Variants in PLEKHA7 observed in about 807,000 individuals in gnomAD.
The protein encoded by PLEKHA7 is pleckstrin homology domain containing A7, also known as pleckstrin homology domain-containing family A member 7.
A neutral mutation model predicts 170.0 loss-of-function variants in PLEKHA7; 104 were observed. The ratio of observed to expected loss-of-function variants is 0.61; its 90% CI spans 0.52 to 0.72. The LOEUF is 0.72. PLEKHA7 is among the 30% of genes least tolerant of loss of function. The pLI is 0.00. For missense variants in PLEKHA7, 1,615 were observed against 1,671.7 expected (o/e 0.97, Z 0.59); for synonymous variants, 648 against 660.8 (o/e 0.98, Z 0.30).
chr11:16,852,147 G>T (rs1853023580), intron 7 of PLEKHA7, 136 bp downstream of exon 7: 1 of 712,250 alleles, frequency 1.4e-6, no homozygotes, highest in Non-Finnish European at 2.3e-6. Flanking sequence ...CTTAGTAGCA[G>T]GCAAACTGGA....
rs555057046 is a variant in PLEKHA7, at chr11:16,817,449, A to T, written c.1344-127T>A. 178 of 931,512 alleles carry T rather than the reference A, an allele frequency of 1.9e-4. 1 individual carries two copies. The African/African-American group carries it at 2.2e-3, about 12-fold the overall frequency. The allele number at this position is 931,512 out of a possible 1,614,324, so 57.7% of individuals were successfully genotyped here. The stretch of plus-strand genomic sequence containing the variant: ...GTCCTGTAAGAACCTCAAAAGAATG[A>T]TCAAGGCCGACATCCAGGACTTCAG... On this transcript the variant is annotated intron_variant, in intron 10 of 26. Transcript: ENST00000531066. The surrounding 1 kb of genome is among the most constrained non-coding windows in gnomAD (Gnocchi z 4.4).
At chr11:16,814,451 T>C (rs1050398234) in intron 12 of PLEKHA7, among the ~76,000 whole-genome samples, 1 of 152,186 alleles carries the variant, frequency 6.6e-6, no homozygotes, top group Non-Finnish European at 1.5e-5. Context: ...GCTGAACCTA[T>C]TTTTGCCTGA....
chr11:16,843,548 G>A lies in PLEKHA7; in HGVS notation c.697-1826C>T, dbSNP rs186251985. ...GCAGCCAAGGATCCCTATAGTGGCTGAAGCAAACCTGATATCCTTCCTTTG... is the reference window on the plus strand; with the variant it reads ...GCAGCCAAGGATCCCTATAGTGGCTAAAGCAAACCTGATATCCTTCCTTTG... On this transcript the variant is annotated intron_variant, in intron 8 of 26. Transcript: ENST00000531066. Among the ~76,000 whole-genome samples the A allele has an allele frequency of 8.4e-4, 128 of 152,366 alleles. 1 individual carries two copies. The highest frequency in any genetic ancestry group is 2.9e-3 in the African/African-American group (121 of 41,588).
intron 4 of PLEKHA7, among the ~76,000 whole-genome samples, chr11:16,868,603 A>G (rs1317985400): frequency 6.6e-6 from 1 of 152,212 alleles, no homozygotes; most frequent in Non-Finnish European, 1.5e-5. Context: ...TATTTAATGT[A>G]TAAGTGCAGG....
chr11:16,972,557 C>T (rs372768307), intron 3 of PLEKHA7, among the ~76,000 whole-genome samples: 14 of 152,216 alleles, frequency 9.2e-5, no homozygotes, highest in African/African-American at 3.1e-4. Flanking sequence ...ACTGCTGGTG[C>T]GCACCACCAT....
rs567103619 is a variant in PLEKHA7, at chr11:16,778,850, G to A, written c.*148C>T. 1 of 672,298 alleles carries A rather than the reference G, an allele frequency of 1.5e-6. No homozygotes were observed. The highest frequency in any genetic ancestry group is 1.8e-5 in the African/African-American group (1 of 56,878). 41.6% of individuals were successfully genotyped at this position (672,298 alleles called of 1,614,324 possible). ...GGTGCATATTAGGGCCTGGCCTGTG[G>A]TGAACACCCGCAGTCGGTAAGCTGC... On this transcript the variant is annotated 3_prime_UTR_variant, in exon 27 of 27. Transcript: ENST00000531066.
In PLEKHA7 at chr11:16,816,311, C is replaced by A. The variant is rs1401948197; in HGVS notation, c.1867-47G>T. On this transcript the variant is annotated intron_variant, in intron 11 of 26. Transcript: ENST00000531066. Reference sequence around the variant, plus strand: ...GTCACACTGGAGCCCAAACCTCTGCCACTCACTCCCAGGGAAGCCGCCCCA... The same window carrying A: ...GTCACACTGGAGCCCAAACCTCTGCAACTCACTCCCAGGGAAGCCGCCCCA... 10 of 1,458,036 alleles carry A rather than the reference C, an allele frequency of 6.9e-6. No homozygotes were observed. In the African/African-American group the frequency reaches 8.4e-5, roughly 12 times the overall value. 90.3% of individuals were successfully genotyped at this position (1,458,036 alleles called of 1,614,324 possible).
chr11:16,834,179 T>G (rs1179792691), intron 9 of PLEKHA7, among the ~76,000 whole-genome samples: 1 of 151,908 alleles, frequency 6.6e-6, no homozygotes, highest in Non-Finnish European at 1.5e-5. Context: ...CTAATTTTTG[T>G]ATTTTTAGTA....
intron 3 of PLEKHA7, among the ~76,000 whole-genome samples, chr11:16,873,869 G>A (rs1855069116): frequency 6.6e-6 from 1 of 152,054 alleles, no homozygotes; most frequent in Admixed American, 6.6e-5. Context: ...GTTTCACCAT[G>A]TTGGCCAGGC....
In PLEKHA7 at chr11:16,826,446, C is replaced by T; in HGVS notation, c.1017G>A (p.Glu339=). The T allele has an allele frequency of 6.2e-7, 1 of 1,614,244 alleles. No individual in the cohort carries two copies. Among genetic ancestry groups the T allele is most frequent in the Non-Finnish European group, 8.5e-7 (1 of 1,180,048 alleles). The part of the protein sequence containing the change: ...HDDIVNFERQ[E]QEGEQYRSQR... ...GGGAACGGTACTGCTCTCCCTCCTG[C>T]TCCTGCCTCTCGAAGTTGACAATGT... The change falls in exon 10 of 27, where the codon GAG becomes GAA. Residue 339 remains glutamate, a synonymous_variant. Coordinates refer to ENST00000531066, the MANE Select transcript of PLEKHA7 (RefSeq NM_001329630.2).
intron 13 of PLEKHA7, among the ~76,000 whole-genome samples, chr11:16,811,537 C>T (rs565453728): frequency 6.1e-4 from 93 of 152,240 alleles, no homozygotes; most frequent in African/African-American, 2.2e-3. Flanking sequence ...TGGGAACAAC[C>T]CTGTCTGTCC....
intron 24 of PLEKHA7, 27 bp downstream of exon 24, chr11:16,786,202 G>C: frequency 2.6e-6 from 4 of 1,534,748 alleles, no homozygotes; most frequent in Non-Finnish European, 3.5e-6. Context: ...GTCTCCTGGA[G>C]GACATGAAGG....
intron 3 of PLEKHA7, among the ~76,000 whole-genome samples, chr11:16,922,149 A>G (rs1424446802): frequency 6.7e-6 from 1 of 149,128 alleles, no homozygotes; most frequent in Non-Finnish European, 1.5e-5. Flanking sequence ...GAGCCCAGGT[A>G]TGGCCTCTGG....
At chr11:16,843,569 C>A (rs1490753660) in intron 8 of PLEKHA7, among the ~76,000 whole-genome samples, 3 of 152,240 alleles carry the variant, frequency 2.0e-5, no homozygotes. Context: ...GATATCCTTC[C>A]TTTGCATGTA....
chr11:16,891,512 G>A (rs75160295), intron 3 of PLEKHA7, among the ~76,000 whole-genome samples: 2,369 of 152,264 alleles, frequency 0.016, 61 homozygotes, highest in African/African-American at 0.054. Context: ...TACTACTGTT[G>A]TGGTAATTTG....
At position 16,817,745 on chromosome 11, in the gene PLEKHA7, T is replaced by G. The variant is rs772577186; in HGVS notation, c.1344-423A>C. On this transcript the variant is annotated intron_variant, in intron 10 of 26. Coordinates refer to ENST00000531066, the MANE Select transcript of PLEKHA7 (RefSeq NM_001329630.2). The surrounding 1 kb of genome is among the most constrained non-coding windows in gnomAD (Gnocchi z 4.4). Reference sequence around the variant, plus strand: ...AGGTTCATAAAGGAAGTGGTTGGCATCAGTTCTCTTTTTTCTGGACTCTTC... The same window carrying G: ...AGGTTCATAAAGGAAGTGGTTGGCAGCAGTTCTCTTTTTTCTGGACTCTTC... Among the ~76,000 whole-genome samples the G allele has an allele frequency of 6.6e-6, 1 of 152,192 alleles. No homozygotes were observed. Among genetic ancestry groups the G allele is most frequent in the African/African-American group, 2.4e-5 (1 of 41,458 alleles).
intron 8 of PLEKHA7, among the ~76,000 whole-genome samples, chr11:16,850,184 C>A (rs762137585): frequency 2.0e-5 from 3 of 152,222 alleles, no homozygotes; most frequent in Non-Finnish European, 4.4e-5. Context: ...GGCTGGAAAG[C>A]GTGACTTCTG....
intron 3 of PLEKHA7, among the ~76,000 whole-genome samples, chr11:16,900,993 C>T (rs377285602): frequency 2.0e-5 from 3 of 151,898 alleles, no homozygotes; most frequent in African/African-American, 7.3e-5. Flanking sequence ...TATAGGCGCC[C>T]GCCACCACAG....
At chr11:16,882,974 A>G (rs1392843454) in intron 3 of PLEKHA7, among the ~76,000 whole-genome samples, 2 of 152,184 alleles carry the variant, frequency 1.3e-5, no homozygotes, top group Admixed American at 6.5e-5. Flanking sequence ...CCTAGAAGGT[A>G]AATTATATTA....
Sources: gnomAD v4.1 joint callset for allele counts (sites outside exome capture counted in the v4.1 genomes callset) on GRCh38, gnomAD v4.1.1 for gene constraint, Gnocchi (gnomAD v3.1) non-coding constraint, MANE v1.5 for transcripts, NCBI Gene and HGNC (gene_info 2026-07-23, HGNC 2026-07-21) for gene names.